Variants in INSR observed in about 807,000 individuals in gnomAD.
The protein encoded by INSR is insulin receptor.
Under a neutral mutation model 142.6 loss-of-function variants are expected in INSR, and 67 were observed. That is an observed-to-expected ratio of 0.47 (90% CI 0.39 to 0.58). The LOEUF (loss-of-function observed/expected upper bound fraction) is 0.58, where lower values mean the gene tolerates loss of function less well. Ranked by LOEUF, INSR falls within the 20% of genes least tolerant of loss-of-function variation. The probability of loss-of-function intolerance (pLI) is 0.00; values close to 1 mark genes in which losing one functional copy is unlikely to be tolerated. For missense variants in INSR, 1,248 were observed against 1,833.2 expected, an observed-to-expected ratio of 0.68 and a Z score of 5.83; for synonymous variants, 756 against 743.1, an observed-to-expected ratio of 1.02 and a Z score of -0.28.
In INSR at chr19:7,267,829, G is replaced by A. The variant is rs988924502; in HGVS notation, c.168C>T (p.Ile56=). 1 of 1,614,044 alleles carries A rather than the reference G, an allele frequency of 6.2e-7. No individual in the cohort carries two copies. Among genetic ancestry groups the A allele is most frequent in the Non-Finnish European group, 8.5e-7 (1 of 1,179,952 alleles). Reference sequence around the variant, plus strand: ...TCAAGAGTATCTGCAAGTGTCCTTCGATGACAGAGCAATTCTCCAGCTCAT... The same window carrying A: ...TCAAGAGTATCTGCAAGTGTCCTTCAATGACAGAGCAATTCTCCAGCTCAT... The part of the protein sequence containing the change: ...RLHELENCSV[I]EGHLQILLMF... Residue 56 remains isoleucine (I), a synonymous_variant, in exon 2 of 22, where the codon ATC becomes ATT. Coordinates refer to ENST00000302850, the MANE Select transcript of INSR (RefSeq NM_000208.4). This position sits in a 1 kb window ranked among gnomAD's most constrained non-coding sequence, Gnocchi z 6.3.
rs1048717998 is a variant in INSR, at chr19:7,168,738, A to G, written c.1484-644T>C. ...CAGCCTCTCAAGTAGCTGGGATTAC[A>G]GGCACCCACCACCACGTCCAGCTAG... is the stretch of plus-strand genomic sequence containing the variant. On this transcript the variant is annotated intron_variant, in intron 6 of 21. Transcript: ENST00000302850. This position sits in a 1 kb window ranked among gnomAD's most constrained non-coding sequence, Gnocchi z 4.3. 6.6e-6 allele frequency among the ~76,000 whole-genome samples: 1 copy of G among 151,358 alleles called. No individual in the cohort carries two copies. The highest frequency in any genetic ancestry group is 1.5e-5 in the Non-Finnish European group (1 of 67,916).
intron 2 of INSR, among the ~76,000 whole-genome samples, chr19:7,220,136 T>C (rs1215297644): frequency 2.6e-5 from 4 of 152,106 alleles, no homozygotes; most frequent in African/African-American, 9.7e-5. Flanking sequence ...GAGGTCTGAG[T>C]GGCTTCCCAA....
intron 3 of INSR, among the ~76,000 whole-genome samples, chr19:7,175,484 C>G (rs1370749717): frequency 6.6e-6 from 1 of 152,096 alleles, no homozygotes; most frequent in East Asian, 1.9e-4. Flanking sequence ...GAGCGGCATC[C>G]CTAGGCTCCA....
chr19:7,197,735 TGA>T, intron 2 of INSR, among the ~76,000 whole-genome samples: 1 of 127,500 alleles, frequency 7.8e-6, no homozygotes. Flanking sequence ...TGTGTGTGTG[TGA>T]TTGGCAGGTT....
intron 6 of INSR, among the ~76,000 whole-genome samples, chr19:7,169,338 G>A (rs1216923416): frequency 1.3e-5 from 2 of 152,040 alleles, no homozygotes; most frequent in Non-Finnish European, 2.9e-5. Context: ...GGGAGGCCGA[G>A]GCGGGAGGAT....
chr19:7,289,420 T>A (rs866867196), intron 1 of INSR, among the ~76,000 whole-genome samples: 3 of 149,780 alleles, frequency 2.0e-5, no homozygotes, highest in Non-Finnish European at 3.0e-5. Context: ...TTTTTTTTTT[T>A]TTTGAGACAG....
chr19:7,124,934 C>T (rs186824632), intron 17 of INSR, among the ~76,000 whole-genome samples: 2 of 151,526 alleles, frequency 1.3e-5, no homozygotes, highest in Non-Finnish European at 2.9e-5. Flanking sequence ...ATGGAAGAGT[C>T]TAAAAAGCAA....
At chr19:7,186,324 C>T (rs1220092695) in intron 2 of INSR, among the ~76,000 whole-genome samples, 1 of 152,148 alleles carries the variant, frequency 6.6e-6, no homozygotes, top group African/African-American at 2.4e-5. Flanking sequence ...GAAGTGGCCC[C>T]AGAAGCTACA....
rs200893906 is a variant in INSR at position 7,259,594 on chromosome 19, G to A, written c.652+7751C>T. On this transcript the variant is annotated intron_variant, in intron 2 of 21. Transcript: ENST00000302850. The stretch of plus-strand genomic sequence containing the variant: ...AGCACTTTGGTAGGCCAAGGCAGGC[G>A]GATCACTTGAGGCCAGGAGTTCAAG... Among the ~76,000 whole-genome samples, 62 of 152,176 alleles carry A rather than the reference G, an allele frequency of 4.1e-4. 1 individual carries two copies. In the East Asian group the frequency reaches 9.3e-3, roughly 23 times the overall value.
At chr19:7,283,931 GA>G (rs1431047500) in intron 1 of INSR, among the ~76,000 whole-genome samples, 1 of 152,144 alleles carries the variant, frequency 6.6e-6, no homozygotes, top group African/African-American at 2.4e-5. Flanking sequence ...TGTTTCTGTT[GA>G]AAGACACTAT....
intron 2 of INSR, among the ~76,000 whole-genome samples, chr19:7,248,581 G>A (rs1286299777): frequency 7.0e-6 from 1 of 141,856 alleles, no homozygotes; most frequent in African/African-American, 2.6e-5. Flanking sequence ...AGACTTTAAG[G>A]GACAAATAGC....
At chr19:7,132,717 G>A (rs957350388) in intron 13 of INSR, among the ~76,000 whole-genome samples, 23 of 151,390 alleles carry the variant, frequency 1.5e-4, no homozygotes, top group African/African-American at 4.8e-4. Context: ...TCAGCCTCCC[G>A]AGTAGCTGGG....
intron 2 of INSR, among the ~76,000 whole-genome samples, chr19:7,205,481 C>T (rs1282235613): frequency 6.6e-6 from 1 of 152,206 alleles, no homozygotes; most frequent in Non-Finnish European, 1.5e-5. Context: ...AACTAAGGAA[C>T]GGATGGACAG....
intron 15 of INSR, among the ~76,000 whole-genome samples, chr19:7,127,856 G>T (rs1972682910): frequency 6.6e-6 from 1 of 151,904 alleles, no homozygotes; most frequent in Non-Finnish European, 1.5e-5. Context: ...CGATTCTCCT[G>T]CCTCAGCCTC....
In INSR at chr19:7,184,368, T is replaced by A. The variant is rs1234349479; in HGVS notation, c.922A>T (p.Asn308Tyr). 6.2e-7 allele frequency: 1 copy of A among 1,613,940 alleles called. No homozygotes were observed. ...RQGCHQYVIH[N>Y]NKCIPECPSG... is the part of the protein sequence containing the mutation. The stretch of plus-strand genomic sequence containing the variant: ...GGACACTCAGGGATGCACTTGTTGT[T>A]GTGAATGACGTACTGGTGGCAGCCC... The change falls in exon 3 of 22, where the codon AAC (asparagine) becomes TAC (tyrosine). Residue 308 changes from asparagine (N) to tyrosine (Y), a missense_variant. By Grantham distance (143) the Asn-to-Tyr change is moderately radical. This residue lies in a region of INSR where 1,069 missense variants were observed against 1,654.0 expected (regional missense o/e 0.65). Coordinates refer to ENST00000302850, the MANE Select transcript of INSR (RefSeq NM_000208.4).
intron 13 of INSR, among the ~76,000 whole-genome samples, chr19:7,135,525 A>T (rs891272235): frequency 1.3e-5 from 2 of 151,430 alleles, no homozygotes; most frequent in African/African-American, 4.9e-5. Context: ...AAAAAAAAAA[A>T]AATTATCTGG....
intron 3 of INSR, among the ~76,000 whole-genome samples, chr19:7,181,562 T>C (rs1974275815): frequency 3.2e-5 from 2 of 62,634 alleles, no homozygotes; most frequent in African/African-American, 1.2e-4. Flanking sequence ...GGTGAGACCT[T>C]TTTTTTTTTT....
At chr19:7,167,865 A>T (rs1158201669) in intron 7 of INSR, 103 bp downstream of exon 7, 3 of 1,368,702 alleles carry the variant, frequency 2.2e-6, no homozygotes, top group Non-Finnish European at 3.1e-6. Context: ...AGGAGGAGGG[A>T]GATAGACAGG....
intron 2 of INSR, among the ~76,000 whole-genome samples, chr19:7,261,889 G>GTGGGGTGGGGGT (rs1977076927): frequency 6.6e-6 from 1 of 152,158 alleles, no homozygotes; most frequent in Non-Finnish European, 1.5e-5. Flanking sequence ...TAAGGGACAG[G>GTGGGGTGGGGGT]TAGAAGAAGG....
Sources: gnomAD v4.1 joint callset for allele counts (sites outside exome capture counted in the v4.1 genomes callset) on GRCh38, gnomAD v4.1.1 for gene constraint, gnomAD v4.1.1 regional missense constraint, Gnocchi (gnomAD v3.1) non-coding constraint, MANE v1.5 for transcripts, NCBI Gene and HGNC (gene_info 2026-07-23, HGNC 2026-07-21) for gene names.